SPDYE18: variants seen among roughly 807,000 people sequenced by gnomAD.
SPDYE18 encodes speedy protein E18.
Under a neutral mutation model 44.9 loss-of-function variants are expected in SPDYE18, and 6 were observed. That is an observed-to-expected ratio of 0.13 (90% CI 0.07 to 0.26). The LOEUF (loss-of-function observed/expected upper bound fraction) is 0.26. Ranked by LOEUF, SPDYE18 falls within the 10% of genes least tolerant of loss-of-function variation. SPDYE18 has a pLI of 1.00. For missense variants in SPDYE18, 121 were observed against 463.2 expected (o/e 0.26, Z 6.78); for synonymous variants, 35 against 177.1 (o/e 0.20, Z 6.37).
chr7:77,058,116 C>CTTTT (rs375559743), intron 3 of SPDYE18, among the ~76,000 whole-genome samples: 130 of 62,094 alleles, frequency 2.1e-3, no homozygotes, highest in African/African-American at 3.5e-3. Context: ...CTCTGAGTCT[C>CTTTT]TTTTTTTTTT....
chr7:77,060,467 C>T lies in SPDYE18; in HGVS notation c.46G>A (p.Gly16Arg). 2 of 1,535,294 alleles carry T rather than the reference C, an allele frequency of 1.3e-6. No individual in the cohort carries two copies. Among genetic ancestry groups the T allele is most frequent in the Non-Finnish European group, 1.7e-6 (2 of 1,146,780 alleles). The change falls in exon 2 of 9, where the codon GGA (glycine) becomes AGA (arginine). Residue 16 changes from glycine to arginine, a missense_variant. By Grantham distance (125) the Gly-to-Arg change is moderately radical. Transcript: ENST00000510091. ...GGTTGACGGCTGGTCGTGATCTTTC[C>T]CGTAATCTGTCCCCTCTTACGGAAC... ...TRFRKRGQIT[G>R]KITTSRQPHP... is the part of the protein sequence containing the mutation.
intron 3 of SPDYE18, 50 bp downstream of exon 3, chr7:77,059,129 CT>C (rs1223643578): frequency 6.3e-7 from 1 of 1,580,476 alleles, no homozygotes; most frequent in Non-Finnish European, 8.5e-7. Context: ...TGGAAGTTTC[CT>C]CTTTTTAGAA....
intron 6 of SPDYE18, among the ~76,000 whole-genome samples, chr7:77,054,830 C>T (rs1789890013): frequency 6.6e-6 from 1 of 151,774 alleles, no homozygotes; most frequent in Non-Finnish European, 1.5e-5. Context: ...TGCAGTGGCT[C>T]GACCTTAACT....
Position 77,055,319 on chromosome 7 carries a change from A to G in SPDYE18, c.672T>C (p.Tyr224=), listed in dbSNP as rs1257185124. The G allele has an allele frequency of 9.4e-7, 1 of 1,065,914 alleles. No homozygotes were observed. Among genetic ancestry groups the G allele is most frequent in the African/African-American group, 1.6e-5 (1 of 63,858 alleles). 66.0% of individuals were successfully genotyped at this position (1,065,914 alleles called of 1,614,324 possible). A position where few individuals can be genotyped will look rare whatever the true frequency, so the allele number is the denominator to read the frequency against. The change falls in exon 6 of 9, where the codon TAT becomes TAC. Residue 224 remains tyrosine, a splice_region_variant and synonymous_variant. Transcript: ENST00000510091. ...WDKDLRVSDK[Y]LLAMVIAYFS... is the part of the protein sequence containing the mutation. ...AATACGCTATGACCATAGCCAGGAGATACTGATGGAGAGAAAGGAACACAG... is the reference window on the plus strand; with the variant it reads ...AATACGCTATGACCATAGCCAGGAGGTACTGATGGAGAGAAAGGAACACAG...
Position 77,051,337 on chromosome 7 carries a change from C to A in SPDYE18, c.*588G>T, listed in dbSNP as rs1356596745. ...AACTCTCATCAAAAAACTACAGGAA[C>A]AGCATGTTTTCAAAAGTACAACAAT... On this transcript the variant is annotated 3_prime_UTR_variant, in exon 9 of 9. Coordinates refer to ENST00000510091, the MANE Select transcript of SPDYE18 (RefSeq NM_001394953.1). 1.3e-5 allele frequency among the ~76,000 whole-genome samples: 2 copies of A among 152,232 alleles called. No individual in the cohort carries two copies. Among genetic ancestry groups the A allele is most frequent in the Admixed American group, 6.5e-5 (1 of 15,278 alleles).
Position 77,050,814 on chromosome 7 carries a change from C to T in SPDYE18, c.*1111G>A, listed in dbSNP as rs1351207203. 6.6e-6 allele frequency among the ~76,000 whole-genome samples: 1 copy of T among 151,260 alleles called. No individual in the cohort carries two copies. Among genetic ancestry groups the T allele is most frequent in the African/African-American group, 2.4e-5 (1 of 41,300 alleles). ...TATATAATAGTTATAACACCCATCA[C>T]ACAGCTTTATAGAAACAGCATCTAT... On this transcript the variant is annotated 3_prime_UTR_variant, in exon 9 of 9. Coordinates refer to ENST00000510091, the MANE Select transcript of SPDYE18 (RefSeq NM_001394953.1).
intron 6 of SPDYE18, among the ~76,000 whole-genome samples, chr7:77,054,214 G>A (rs1789874205): frequency 6.6e-6 from 1 of 150,382 alleles, no homozygotes; most frequent in Non-Finnish European, 1.5e-5. Context: ...CAAGGAATGG[G>A]TCCTTCCCTT....
At chr7:77,060,243 C>A in intron 2 of SPDYE18, 110 bp downstream of exon 2, 1 of 1,492,384 alleles carries the variant, frequency 6.7e-7, no homozygotes, top group Admixed American at 2.1e-5. Context: ...GTGATTCGCC[C>A]GCCTCGGCCT....
intron 6 of SPDYE18, among the ~76,000 whole-genome samples, chr7:77,054,077 A>G (rs1160540244): frequency 1.3e-5 from 2 of 152,178 alleles, no homozygotes; most frequent in African/African-American, 2.4e-5. Flanking sequence ...ATCTAGTCTA[A>G]TGGGACTGGC....
chr7:77,053,460 TG>T (rs1246161244), intron 6 of SPDYE18, among the ~76,000 whole-genome samples: 3 of 152,366 alleles, frequency 2.0e-5, no homozygotes, highest in Middle Eastern at 3.4e-3. Context: ...CCCAGCACAC[TG>T]GGAGGCCAAA....
chr7:77,053,924 C>G (rs1365330994), intron 6 of SPDYE18, among the ~76,000 whole-genome samples: 2 of 146,720 alleles, frequency 1.4e-5, no homozygotes, highest in African/African-American at 2.5e-5. Flanking sequence ...GTGGGAGGAT[C>G]GCTTGAGCCC....
At position 77,060,342 on chromosome 7, in the gene SPDYE18, A is replaced by C. The variant is rs200178129; in HGVS notation, c.160+11T>G. On this transcript the variant is annotated intron_variant, in intron 2 of 8. Coordinates refer to ENST00000510091, the MANE Select transcript of SPDYE18 (RefSeq NM_001394953.1). ...ACCCTATCCCACCTCTTCTTCCACC[A>C]GTCCCCTCACCTGATGGTCCCAACA... 1.3e-6 allele frequency: 2 copies of C among 1,535,048 alleles called. No homozygotes were observed. Among genetic ancestry groups the C allele is most frequent in the African/African-American group, 2.7e-5 (2 of 72,884 alleles).
At chr7:77,054,127 G>A (rs1218188046) in intron 6 of SPDYE18, among the ~76,000 whole-genome samples, 2 of 152,326 alleles carry the variant, frequency 1.3e-5, no homozygotes, top group Admixed American at 6.5e-5. Flanking sequence ...TGTCCAGGAT[G>A]TAACTAGAGA....
rs1789800455 is a variant in SPDYE18, at chr7:77,051,664, A to T, written c.*261T>A. ...GAACTGGAAACACTCCTGTTTTCTTACTTTTCTCCAAGGACTCCTAGAAGG... is the reference window on the plus strand; with the variant it reads ...GAACTGGAAACACTCCTGTTTTCTTTCTTTTCTCCAAGGACTCCTAGAAGG... On this transcript the variant is annotated 3_prime_UTR_variant, in exon 9 of 9. Coordinates refer to ENST00000510091, the MANE Select transcript of SPDYE18 (RefSeq NM_001394953.1). 6.6e-6 allele frequency among the ~76,000 whole-genome samples: 1 copy of T among 152,048 alleles called. No homozygotes were observed. The highest frequency in any genetic ancestry group is 2.4e-5 in the African/African-American group (1 of 41,458).
chr7:77,058,567 C>T (rs1215309806), intron 3 of SPDYE18, among the ~76,000 whole-genome samples: 9 of 137,128 alleles, frequency 6.6e-5, no homozygotes, highest in South Asian at 2.4e-4. Flanking sequence ...AATGCAGTGG[C>T]GCTATCTTGG....
chr7:77,051,577 C>G lies in SPDYE18; in HGVS notation c.*348G>C, dbSNP rs149430002. On this transcript the variant is annotated 3_prime_UTR_variant, in exon 9 of 9. Coordinates refer to ENST00000510091, the MANE Select transcript of SPDYE18 (RefSeq NM_001394953.1). The stretch of plus-strand genomic sequence containing the variant: ...CTGTAAGAAACAGGACCTCCAGGTT[C>G]CGGCCCAGGGAGGTTGGAATTCAGC... Among the ~76,000 whole-genome samples the G allele has an allele frequency of 9.1e-3, 1,377 of 151,846 alleles. No homozygotes were observed. The highest frequency in any genetic ancestry group is 0.032 in the African/African-American group (1,317 of 41,080).
At chr7:77,052,209 C>T (rs1482947392) in intron 8 of SPDYE18, among the ~76,000 whole-genome samples, 2 of 149,552 alleles carry the variant, frequency 1.3e-5, no homozygotes, top group East Asian at 4.2e-4. Context: ...CCTTTTGTGT[C>T]ACTTAAGATC....
rs1282108977 is a variant in SPDYE18 at position 77,054,343 on chromosome 7, C to T, written c.755+893G>A. Among the ~76,000 whole-genome samples, 260 of 145,070 alleles carry T rather than the reference C, an allele frequency of 1.8e-3. 1 individual carries two copies. Among genetic ancestry groups the T allele is most frequent in the African/African-American group, 4.7e-3 (182 of 38,614 alleles). On this transcript the variant is annotated intron_variant, in intron 6 of 8. Coordinates refer to ENST00000510091, the MANE Select transcript of SPDYE18 (RefSeq NM_001394953.1). The stretch of plus-strand genomic sequence containing the variant: ...AATACCAAGATGGCGAGCCAGTGTG[C>T]TTGTAGAGATTGTAGAATTGACACT...
chr7:77,051,540 T>C lies in SPDYE18; in HGVS notation c.*385A>G, dbSNP rs1397450893. Among the ~76,000 whole-genome samples, 3 of 152,286 alleles carry C rather than the reference T, an allele frequency of 2.0e-5. No individual in the cohort carries two copies. Among genetic ancestry groups the C allele is most frequent in the African/African-American group, 7.2e-5 (3 of 41,484 alleles). On this transcript the variant is annotated 3_prime_UTR_variant, in exon 9 of 9. Transcript: ENST00000510091. The stretch of plus-strand genomic sequence containing the variant: ...TGTGCCTTCAAATGCTCCTGGACTG[T>C]GGCAACCAAGTCTGTAAGAAACAGG...
Sources: gnomAD v4.1 joint callset for allele counts (sites outside exome capture counted in the v4.1 genomes callset) on GRCh38, gnomAD v4.1.1 for gene constraint, MANE v1.5 for transcripts, NCBI Gene and HGNC (gene_info 2026-07-23, HGNC 2026-07-21) for gene names.